The following GRM8 variants were observed in gnomAD, a reference collection of about 807,000 sequenced individuals.
GRM8 encodes metabotropic glutamate receptor 8.
In GRM8, 47 loss-of-function variants were observed where a neutral mutation model predicts 87.2. That is an observed-to-expected ratio of 0.54 (90% CI 0.43 to 0.69). GRM8 has a LOEUF of 0.69. Among genes scored for constraint, GRM8 ranks in the 30% least tolerant of loss-of-function variants. The pLI is 0.00. For missense variants in GRM8, 1,019 were observed against 1,139.2 expected (o/e 0.89, Z 1.52); for synonymous variants, 396 against 404.5 (o/e 0.98, Z 0.25).
At chr7:126,618,190 T>A (rs1799731323) in intron 7 of GRM8, among the ~76,000 whole-genome samples, 1 of 151,892 alleles carries the variant, frequency 6.6e-6, no homozygotes, top group African/African-American at 2.4e-5. Flanking sequence ...TATAGACCAA[T>A]GGAACAGAAC....
chr7:126,609,256 G>A lies in GRM8; in HGVS notation c.1494+106C>T, dbSNP rs528775816. On this transcript the variant is annotated intron_variant, in intron 8 of 10. Transcript: ENST00000339582. The stretch of plus-strand genomic sequence containing the variant: ...GAATCAAGTCATACATTTTCTAAGA[G>A]TTTATTTATGGGGAAAACCTATTCT... The A allele has an allele frequency of 5.4e-6, 4 of 746,762 alleles. No homozygotes were observed. In the South Asian group the frequency reaches 8.1e-5, roughly 15 times the overall value. The allele number at this position is 746,762 out of a possible 1,614,324, so 46.3% of individuals were successfully genotyped here. A position where few individuals can be genotyped will look rare whatever the true frequency, so the allele number is the denominator to read the frequency against.
At chr7:126,972,128 A>G (rs1411454283) in intron 3 of GRM8, among the ~76,000 whole-genome samples, 2 of 152,052 alleles carry the variant, frequency 1.3e-5, no homozygotes, top group Non-Finnish European at 1.5e-5. Flanking sequence ...CCCTTTTCCA[A>G]TTACCACTAT....
chr7:126,521,573 A>C (rs183017615), intron 9 of GRM8, among the ~76,000 whole-genome samples: 3 of 152,206 alleles, frequency 2.0e-5, no homozygotes, highest in Non-Finnish European at 4.4e-5. Flanking sequence ...ATTTTAAAGA[A>C]AAACAACAGA....
intron 9 of GRM8, among the ~76,000 whole-genome samples, chr7:126,491,193 G>A (rs142090128): frequency 2.6e-4 from 39 of 152,080 alleles, no homozygotes; most frequent in Middle Eastern, 3.4e-3. Context: ...TTCTACAACC[G>A]TTACTAGCAT....
chr7:126,666,101 A>G (rs772461724), intron 7 of GRM8, among the ~76,000 whole-genome samples: 13 of 152,184 alleles, frequency 8.5e-5, no homozygotes, highest in Non-Finnish European at 1.2e-4. Context: ...GATCTTTTTG[A>G]TAGTTAGAGT....
chr7:126,908,983 C>T (rs1206662790), intron 3 of GRM8, among the ~76,000 whole-genome samples: 1 of 152,212 alleles, frequency 6.6e-6, no homozygotes, highest in Non-Finnish European at 1.5e-5. Flanking sequence ...TACCCATTCA[C>T]ACTTTCTTTC....
chr7:126,884,302 G>A (rs147761221), intron 6 of GRM8, among the ~76,000 whole-genome samples: 2,744 of 151,944 alleles, frequency 0.018, 106 homozygotes, highest in Admixed American at 0.091. Flanking sequence ...AGGAAATCAC[G>A]GGGGAAAAAT....
chr7:126,877,561 A>G (rs1799632861), intron 6 of GRM8, among the ~76,000 whole-genome samples: 1 of 151,888 alleles, frequency 6.6e-6, no homozygotes, highest in Non-Finnish European at 1.5e-5. Flanking sequence ...TGGACTACTC[A>G]AATTTCTCAT....
intron 3 of GRM8, among the ~76,000 whole-genome samples, chr7:127,078,514 T>G (rs1233495743): frequency 6.6e-6 from 1 of 152,224 alleles, no homozygotes; most frequent in South Asian, 2.1e-4. Flanking sequence ...TAACTCTTGT[T>G]AGAGAAGGTA....
chr7:126,461,769 A>C (rs999469131), intron 9 of GRM8, among the ~76,000 whole-genome samples: 4 of 151,660 alleles, frequency 2.6e-5, no homozygotes, highest in African/African-American at 7.3e-5. Context: ...TCATGATCAC[A>C]GCTAGAATCT....
At chr7:127,116,249 A>G (rs71578214) in intron 2 of GRM8, among the ~76,000 whole-genome samples, 7 of 152,190 alleles carry the variant, frequency 4.6e-5, no homozygotes, top group Non-Finnish European at 8.8e-5. Flanking sequence ...ATATTTCAGT[A>G]CTCTGTGATT....
At chr7:127,024,628 C>T (rs1037890332) in intron 3 of GRM8, among the ~76,000 whole-genome samples, 1 of 152,052 alleles carries the variant, frequency 6.6e-6, no homozygotes, top group East Asian at 1.9e-4. Context: ...AAAATAAAAT[C>T]CAAACTTTCC....
chr7:126,552,754 T>C (rs1792722167), intron 8 of GRM8, among the ~76,000 whole-genome samples: 1 of 152,152 alleles, frequency 6.6e-6, no homozygotes, highest in Non-Finnish European at 1.5e-5. Flanking sequence ...GGAAAATCTA[T>C]CTTTTGTCAT....
At chr7:127,043,769 A>G (rs1472063542) in intron 3 of GRM8, among the ~76,000 whole-genome samples, 2 of 152,150 alleles carry the variant, frequency 1.3e-5, no homozygotes, top group African/African-American at 4.8e-5. Flanking sequence ...TATAATAAAA[A>G]AAATAAAATA....
intron 6 of GRM8, among the ~76,000 whole-genome samples, chr7:126,888,758 C>T (rs1800726459): frequency 6.6e-6 from 1 of 152,058 alleles, no homozygotes; most frequent in Non-Finnish European, 1.5e-5. Context: ...AGCATCTTTC[C>T]ACCTCCCACA....
chr7:127,145,091 C>T (rs572832795), intron 2 of GRM8, among the ~76,000 whole-genome samples: 5 of 152,136 alleles, frequency 3.3e-5, no homozygotes, highest in South Asian at 2.1e-4. Flanking sequence ...CACAAATGTA[C>T]TCAATTAACA....
At position 127,010,153 on chromosome 7, in the gene GRM8, T is replaced by C. The variant is rs565960260; in HGVS notation, c.727+96343A>G. Among the ~76,000 whole-genome samples the C allele has an allele frequency of 3.3e-5, 5 of 152,146 alleles. No homozygotes were observed. The South Asian group carries it at 6.2e-4, about 19-fold the overall frequency. On this transcript the variant is annotated intron_variant, in intron 3 of 10. Coordinates refer to ENST00000339582, the MANE Select transcript of GRM8 (RefSeq NM_000845.3). ...CCACCACACCTGGCTTATATGTCTTTTATGTTAATACTTCTCTAATATTTG... is the reference window on the plus strand; with the variant it reads ...CCACCACACCTGGCTTATATGTCTTCTATGTTAATACTTCTCTAATATTTG...
At chr7:127,051,144 C>T (rs1326796358) in intron 3 of GRM8, among the ~76,000 whole-genome samples, 3 of 152,090 alleles carry the variant, frequency 2.0e-5, no homozygotes, top group African/African-American at 4.8e-5. Flanking sequence ...TAGATAGATG[C>T]CTTAGTGGCT....
intron 6 of GRM8, among the ~76,000 whole-genome samples, chr7:126,877,029 C>A (rs1328858418): frequency 1.3e-5 from 2 of 152,014 alleles, no homozygotes; most frequent in Non-Finnish European, 2.9e-5. Context: ...CTACTCAGGG[C>A]AAACTTTTTT....
Sources: allele counts gnomAD v4.1 joint callset (sites outside exome capture counted in the v4.1 genomes callset), GRCh38; gene constraint gnomAD v4.1.1; transcripts MANE v1.5; gene names NCBI Gene and HGNC (gene_info 2026-07-23, HGNC 2026-07-21).